PRKG1: variants seen among roughly 807,000 people sequenced by gnomAD.
The protein encoded by PRKG1 is cGMP-dependent protein kinase 1.
PRKG1 carries 35 observed loss-of-function variants against 88.1 expected under a neutral mutation model. The observed-to-expected ratio is 0.40, with a 90% CI of 0.30 to 0.53. The LOEUF (loss-of-function observed/expected upper bound fraction) is 0.53, where lower values mean the gene tolerates loss of function less well. Among genes scored for constraint, PRKG1 ranks in the 20% least tolerant of loss-of-function variants. The pLI is 0.59. For missense variants in PRKG1, 540 were observed against 839.8 expected (o/e 0.64, Z 4.41); for synonymous variants, 303 against 292.5 (o/e 1.04, Z -0.37).
chr10:51,698,898 C>T (rs1841384528), intron 3 of PRKG1: 1 of 1,611,964 alleles, frequency 6.2e-7, no homozygotes, highest in Non-Finnish European at 8.5e-7. Context: ...AGCCCAGGGC[C>T]AGGGCCAGGG....
chr10:51,765,589 T>C (rs1175264390), intron 3 of PRKG1, among the ~76,000 whole-genome samples: 1 of 152,212 alleles, frequency 6.6e-6, no homozygotes, highest in Non-Finnish European at 1.5e-5. Context: ...ACACAGGAAG[T>C]GTATATTTAA....
At chr10:51,764,890 C>G (rs970622953) in intron 3 of PRKG1, among the ~76,000 whole-genome samples, 1 of 152,058 alleles carries the variant, frequency 6.6e-6, no homozygotes, top group African/African-American at 2.4e-5. Flanking sequence ...CTTATTAGAC[C>G]CTTTCATCTT....
intron 5 of PRKG1, among the ~76,000 whole-genome samples, chr10:52,027,145 C>T (rs745360620): frequency 1.3e-5 from 2 of 152,140 alleles, no homozygotes; most frequent in Admixed American, 6.5e-5. Flanking sequence ...ATATGGTCTG[C>T]GTTTTTCCCA....
intron 3 of PRKG1, among the ~76,000 whole-genome samples, chr10:51,541,735 G>GA (rs916740496): frequency 1.8e-4 from 27 of 148,056 alleles, no homozygotes; most frequent in East Asian, 6.0e-4. Context: ...TTTATTTTCA[G>GA]AAAAAAAAAC....
intron 2 of PRKG1, among the ~76,000 whole-genome samples, chr10:51,260,871 T>C (rs949238339): frequency 1.3e-5 from 2 of 152,236 alleles, no homozygotes; most frequent in Non-Finnish European, 2.9e-5. Context: ...ATTTAGAATG[T>C]AGATTTTAGC....
At chr10:51,304,284 TATC>T (rs1840974487) in intron 2 of PRKG1, among the ~76,000 whole-genome samples, 1 of 152,044 alleles carries the variant, frequency 6.6e-6, no homozygotes, top group Non-Finnish European at 1.5e-5. Flanking sequence ...ATATAGTAAA[TATC>T]ATATAGTCAC....
intron 2 of PRKG1, among the ~76,000 whole-genome samples, chr10:51,225,361 G>T (rs1838664561): frequency 6.6e-6 from 1 of 152,084 alleles, no homozygotes; most frequent in East Asian, 1.9e-4. Context: ...TCCCCTTAAG[G>T]GTTAGGATTC....
chr10:51,502,994 T>A (rs12571957), intron 3 of PRKG1, among the ~76,000 whole-genome samples: 10,635 of 152,226 alleles, frequency 0.07, 524 homozygotes, highest in East Asian at 0.12. Context: ...ATTTTTAGGG[T>A]AAGAAAGGTC....
intron 3 of PRKG1, among the ~76,000 whole-genome samples, chr10:51,760,862 C>A (rs1380812266): frequency 6.6e-6 from 1 of 152,116 alleles, no homozygotes; most frequent in African/African-American, 2.4e-5. Context: ...TGCCTGTAAT[C>A]TTAGCACCGC....
At chr10:51,554,147 A>ATATATTATATGTGCGTATGTGATG (rs1837237151) in intron 3 of PRKG1, among the ~76,000 whole-genome samples, 1 of 146,382 alleles carries the variant, frequency 6.8e-6, no homozygotes, top group African/African-American at 2.5e-5. Flanking sequence ...CGTATGTGAT[A>ATATATTATATGTGCGTATGTGATG]TGTGTATATA....
intron 7 of PRKG1, among the ~76,000 whole-genome samples, chr10:52,076,985 C>G (rs998325301): frequency 4.6e-5 from 7 of 150,616 alleles, no homozygotes; most frequent in Admixed American, 2.6e-4. Context: ...CTTTGGAGAA[C>G]AGTTTGGCAG....
intron 4 of PRKG1, among the ~76,000 whole-genome samples, chr10:51,866,164 T>C (rs1841010723): frequency 6.6e-6 from 1 of 152,024 alleles, no homozygotes; most frequent in Non-Finnish European, 1.5e-5. Context: ...GATATATTAA[T>C]TTAAACATTC....
chr10:52,240,622 G>A (rs1400498888), intron 9 of PRKG1, among the ~76,000 whole-genome samples: 1 of 152,118 alleles, frequency 6.6e-6, no homozygotes, highest in Non-Finnish European at 1.5e-5. Context: ...GCAGTGACTT[G>A]ATAACAAATG....
rs34894735 is a variant in PRKG1, at chr10:51,078,385, A to ATT, written c.311+3507_311+3508dup. On this transcript the variant is annotated intron_variant, in intron 1 of 17. Coordinates refer to ENST00000373980, the MANE Select transcript of PRKG1 (RefSeq NM_006258.4). ...AGGCACGTGCCACCAATGCCTGGCTATTTTTTTTTTTTTTTTTTTTTTTTA... is the reference window on the plus strand; with the variant it reads ...AGGCACGTGCCACCAATGCCTGGCTATTTTTTTTTTTTTTTTTTTTTTTTTTA... Among the ~76,000 whole-genome samples the ATT allele has an allele frequency of 4.0e-3, 344 of 85,722 alleles. 7 individuals are homozygous for ATT. The highest frequency in any genetic ancestry group is 0.011 in the African/African-American group (228 of 21,714). 56.2% of individuals were successfully genotyped at this position (85,722 alleles called of 152,430 possible).
chr10:51,505,334 G>T (rs1324690359), intron 3 of PRKG1, among the ~76,000 whole-genome samples: 1 of 152,164 alleles, frequency 6.6e-6, no homozygotes, highest in Non-Finnish European at 1.5e-5. Flanking sequence ...CTTGATCATG[G>T]TGGATAAGCT....
intron 9 of PRKG1, among the ~76,000 whole-genome samples, chr10:52,181,780 T>C (rs1367583847): frequency 1.4e-5 from 1 of 73,980 alleles, no homozygotes; most frequent in African/African-American, 5.1e-5. Context: ...CTTTTATGGC[T>C]GCATAGTATT....
At chr10:51,119,685 A>G (rs1845214793) in intron 1 of PRKG1, among the ~76,000 whole-genome samples, 1 of 152,048 alleles carries the variant, frequency 6.6e-6, no homozygotes, top group Non-Finnish European at 1.5e-5. Context: ...TATAATGACA[A>G]TTTTAACTTT....
At chr10:52,080,598 G>A (rs1343177194) in intron 7 of PRKG1, among the ~76,000 whole-genome samples, 2 of 152,138 alleles carry the variant, frequency 1.3e-5, no homozygotes, top group African/African-American at 4.8e-5. Flanking sequence ...TGGTTGATAA[G>A]TACAAAAGTA....
At chr10:50,999,959 G>C (rs1842872108) in intron 1 of PRKG1, among the ~76,000 whole-genome samples, 1 of 152,142 alleles carries the variant, frequency 6.6e-6, no homozygotes, top group South Asian at 2.1e-4. Flanking sequence ...TCAGAGAAGA[G>C]GTAAGAGGAG....
Sources: allele counts gnomAD v4.1 joint callset (sites outside exome capture counted in the v4.1 genomes callset), GRCh38; gene constraint gnomAD v4.1.1; transcripts MANE v1.5; gene names NCBI Gene and HGNC (gene_info 2026-07-23, HGNC 2026-07-21).